Variants in ARMH4 observed in about 807,000 individuals in gnomAD.
The protein encoded by ARMH4 is armadillo-like helical domain-containing protein 4.
A neutral mutation model predicts 61.9 loss-of-function variants in ARMH4; 49 were observed. That is an observed-to-expected ratio of 0.79 (90% confidence interval 0.63 to 1.00). ARMH4 has a LOEUF of 1.00. Among genes scored for constraint, ARMH4 ranks in the 50% least tolerant of loss-of-function variants. The probability of loss-of-function intolerance (pLI) is 0.00; values close to 1 mark genes in which losing one functional copy is unlikely to be tolerated. For missense variants in ARMH4, 934 were observed against 930.0 expected (o/e 1.00, Z -0.06); for synonymous variants, 368 against 341.5 (o/e 1.08, Z -0.85).
At chr14:58,067,455 C>T (rs4898958) in intron 5 of ARMH4, among the ~76,000 whole-genome samples, 109,035 of 151,886 alleles carry the variant, frequency 0.72, 41,596 homozygotes, top group Non-Finnish European at 0.86. Context: ...CTGGGAGAGA[C>T]TGGTGAAAGA....
rs955047259 is a variant in ARMH4, at chr14:58,071,669, T to G, written c.2089+25055A>C. The stretch of plus-strand genomic sequence containing the variant: ...AACATTTGATTTTATCTTTCATATA[T>G]CATATGCTAATAAAATAATCAAGAG... On this transcript the variant is annotated intron_variant, in intron 5 of 7. Transcript: ENST00000267485. Among the ~76,000 whole-genome samples, 7 of 152,272 alleles carry G rather than the reference T, an allele frequency of 4.6e-5. No homozygotes were observed. In the South Asian group the frequency reaches 8.3e-4, roughly 18 times the overall value.
Position 58,097,000 on chromosome 14 carries a change from A to C in ARMH4, c.1832-19T>G, listed in dbSNP as rs1049337788. 6.2e-7 allele frequency: 1 copy of C among 1,609,550 alleles called. No homozygotes were observed. The highest frequency in any genetic ancestry group is 8.5e-7 in the Non-Finnish European group (1 of 1,176,628). ...TGTCCCTCTAGGCAAAAAGAAATCAAAGGGAAGCATAAACATATAATGAGT... is the reference window on the plus strand; with the variant it reads ...TGTCCCTCTAGGCAAAAAGAAATCACAGGGAAGCATAAACATATAATGAGT... On this transcript the variant is annotated intron_variant, in intron 4 of 7. Transcript: ENST00000267485.
At chr14:58,126,228 A>G (rs1200173661) in intron 4 of ARMH4, among the ~76,000 whole-genome samples, 1 of 152,220 alleles carries the variant, frequency 6.6e-6, no homozygotes, top group African/African-American at 2.4e-5. Context: ...ATTGATGATA[A>G]AAGAAAGAGA....
chr14:58,101,390 A>C (rs1885970826), intron 4 of ARMH4: 2 of 152,276 alleles, frequency 1.3e-5, no homozygotes, highest in Non-Finnish European at 2.9e-5. Flanking sequence ...AACAAAGACC[A>C]AAAAAGAGAA....
intron 6 of ARMH4, 98 bp downstream of exon 6, chr14:58,012,021 A>G: frequency 1.2e-6 from 1 of 847,260 alleles, no homozygotes; most frequent in South Asian, 1.7e-5. Context: ...TACCAGAATC[A>G]GAATAATAAA....
intron 5 of ARMH4, among the ~76,000 whole-genome samples, chr14:58,032,120 G>A (rs912224140): frequency 5.3e-5 from 8 of 151,988 alleles, no homozygotes; most frequent in African/African-American, 1.9e-4. Flanking sequence ...AGCTTAAAGG[G>A]CCCTTCGTCG....
chr14:58,014,748 G>A (rs1187903549), intron 5 of ARMH4, among the ~76,000 whole-genome samples: 1 of 152,138 alleles, frequency 6.6e-6, no homozygotes, highest in Non-Finnish European at 1.5e-5. Flanking sequence ...CAGTGAGAAA[G>A]GGGTTAGGCC....
intron 2 of ARMH4, among the ~76,000 whole-genome samples, chr14:58,136,796 G>C (rs1222537893): frequency 6.6e-6 from 1 of 152,070 alleles, no homozygotes; most frequent in Non-Finnish European, 1.5e-5. Context: ...CAAATAGAAG[G>C]CTTTCCAGCT....
chr14:58,081,100 T>TATAA (rs59178433), intron 5 of ARMH4, among the ~76,000 whole-genome samples: 55,156 of 148,196 alleles, frequency 0.37, 10,383 homozygotes, highest in Non-Finnish European at 0.4. Context: ...AGACTCTGTC[T>TATAA]ATAAATAAAT....
At position 58,138,412 on chromosome 14, in the gene ARMH4, T is replaced by C. The variant is rs1566599497; in HGVS notation, c.947A>G (p.Asp316Gly). ...CCGGCTTACACTCTCTAATTTGGTG[T>C]CATCCCACTCATCACTTAAGGCAGA... The part of the protein sequence containing the change: ...AASALSDEWD[D>G]TKLESVSRIR... The change falls in exon 2 of 8, where the codon GAC (aspartate) becomes GGC (glycine). Residue 316 changes from aspartate (D) to glycine (G), a missense_variant. Transcript: ENST00000267485. The C allele has an allele frequency of 1.2e-6, 2 of 1,614,132 alleles. No individual in the cohort carries two copies. Among genetic ancestry groups the C allele is most frequent in the South Asian group, 1.1e-5 (1 of 91,092 alleles).
intron 5 of ARMH4, among the ~76,000 whole-genome samples, chr14:58,085,776 G>C (rs1334150951): frequency 6.6e-6 from 1 of 152,098 alleles, no homozygotes; most frequent in Non-Finnish European, 1.5e-5. Flanking sequence ...TTTGGGTTTA[G>C]GTTTCCAGAC....
chr14:58,094,544 T>C (rs1015885645), intron 5 of ARMH4, among the ~76,000 whole-genome samples: 3 of 152,158 alleles, frequency 2.0e-5, no homozygotes, highest in African/African-American at 7.2e-5. Context: ...TAGTCAGCTA[T>C]ATATATGTGT....
chr14:58,148,323 G>C (rs528346174), intron 1 of ARMH4, among the ~76,000 whole-genome samples: 3 of 152,280 alleles, frequency 2.0e-5, no homozygotes, highest in African/African-American at 7.2e-5. Flanking sequence ...GGGATTACAG[G>C]CGTGAGCCAC....
At chr14:58,102,797 G>C (rs1290913882) in intron 4 of ARMH4, among the ~76,000 whole-genome samples, 2 of 117,850 alleles carry the variant, frequency 1.7e-5, no homozygotes, top group African/African-American at 3.3e-5. Context: ...CGGCCTGGGC[G>C]ACAGAGCGAG....
chr14:58,139,166 T>C lies in ARMH4; in HGVS notation c.193A>G (p.Thr65Ala). The C allele has an allele frequency of 6.2e-7, 1 of 1,614,040 alleles. No homozygotes were observed. Among genetic ancestry groups the C allele is most frequent in the Non-Finnish European group, 8.5e-7 (1 of 1,180,018 alleles). ...LENSSVTSKQ[T>A]PQLVVSEDPM... Reference sequence around the variant, plus strand: ...TCTTCAGAGACCACCAGTTGGGGAGTCTGCTTTGAGGTAACAGAGCTATTT... The same window carrying C: ...TCTTCAGAGACCACCAGTTGGGGAGCCTGCTTTGAGGTAACAGAGCTATTT... The change falls in exon 2 of 8, where the codon ACT becomes GCT. Residue 65 changes from threonine (T) to alanine (A), a missense_variant. Transcript: ENST00000267485.
chr14:58,140,923 C>T (rs1887526578), intron 1 of ARMH4, among the ~76,000 whole-genome samples: 1 of 151,978 alleles, frequency 6.6e-6, no homozygotes, highest in African/African-American at 2.4e-5. Flanking sequence ...TAAAGAGACC[C>T]CCAAGAGCTC....
intron 5 of ARMH4, among the ~76,000 whole-genome samples, chr14:58,047,921 T>C (rs150931487): frequency 6.4e-4 from 98 of 152,210 alleles, no homozygotes; most frequent in African/African-American, 1.7e-3. Context: ...TCTGGGTAGA[T>C]GGCAGAGAAC....
At chr14:58,090,128 A>C (rs1318342159) in intron 5 of ARMH4, among the ~76,000 whole-genome samples, 1 of 152,214 alleles carries the variant, frequency 6.6e-6, no homozygotes, top group Non-Finnish European at 1.5e-5. Flanking sequence ...TGTCCATTCC[A>C]ATGTTAGATG....
At chr14:58,006,574 G>T (rs11846257) in intron 6 of ARMH4, among the ~76,000 whole-genome samples, 2,000 of 152,198 alleles carry the variant, frequency 0.013, 27 homozygotes, top group East Asian at 0.076. Flanking sequence ...GGCAAAATAT[G>T]GAAATTCTTC....
Sources: gnomAD v4.1 joint callset for allele counts (sites outside exome capture counted in the v4.1 genomes callset) on GRCh38, gnomAD v4.1.1 for gene constraint, MANE v1.5 for transcripts, NCBI Gene and HGNC (gene_info 2026-07-23, HGNC 2026-07-21) for gene names.